The following STRN3 variants were observed in gnomAD, a reference collection of about 807,000 sequenced individuals.
The protein encoded by STRN3 is striatin-3.
In STRN3, 29 loss-of-function variants were observed where a neutral mutation model predicts 95.6. The observed-to-expected ratio is 0.30, with a 90% confidence interval of 0.23 to 0.41. The LOEUF (loss-of-function observed/expected upper bound fraction) is 0.41. STRN3 is among the 10% of genes least tolerant of loss of function. The pLI is 1.00. For missense variants in STRN3, 890 were observed against 972.1 expected, an observed-to-expected ratio of 0.92 and a Z score of 1.12; for synonymous variants, 331 against 357.6, an observed-to-expected ratio of 0.93 and a Z score of 0.84.
At chr14:30,984,137 A>ACCCCCCCCCCC (rs1555324188) in intron 1 of STRN3, among the ~76,000 whole-genome samples, 60 of 56,090 alleles carry the variant, frequency 1.1e-3, no homozygotes, top group Non-Finnish European at 1.4e-3. Context: ...GCCCCCCCCA[A>ACCCCCCCCCCC]CCCCCCCCCA....
Position 31,025,969 on chromosome 14 carries a change from G to C in STRN3, c.217C>G (p.Gln73Glu). ...YTIPGILHYIQHEWARFEMER... is the reference protein window; with the variant it reads ...YTIPGILHYIEHEWARFEMER... Reference sequence around the variant, plus strand: ...ATCTCGAACCGAGCCCACTCGTGCTGGATGTAGTGCAGTATCCCCGGGATA... The same window carrying C: ...ATCTCGAACCGAGCCCACTCGTGCTCGATGTAGTGCAGTATCCCCGGGATA... The change falls in exon 1 of 18, where the codon CAG (glutamine) becomes GAG (glutamate). Residue 73 changes from glutamine (Q) to glutamate (E), a missense_variant. Gln to Glu is a conservative substitution (Grantham distance 29, BLOSUM62 2). This residue lies in a region of STRN3 where 526 missense variants were observed against 526.3 expected (regional missense o/e 1.00). Transcript: ENST00000357479. 6.3e-7 allele frequency: 1 copy of C among 1,585,610 alleles called. No individual in the cohort carries two copies. Among genetic ancestry groups the C allele is most frequent in the Non-Finnish European group, 8.6e-7 (1 of 1,166,788 alleles).
intron 1 of STRN3, among the ~76,000 whole-genome samples, chr14:30,997,560 C>G (rs1480426314): frequency 6.6e-6 from 1 of 152,192 alleles, no homozygotes; most frequent in Non-Finnish European, 1.5e-5. Context: ...TAAACCTTCC[C>G]CTCCTTCCTG....
chr14:30,921,065 T>C (rs1271328708), intron 8 of STRN3, among the ~76,000 whole-genome samples: 5 of 89,246 alleles, frequency 5.6e-5, no homozygotes, highest in African/African-American at 1.1e-4. Context: ...TTTCTACACA[T>C]ACATATACAC....
At chr14:30,904,674 G>A (rs1896412808) in intron 15 of STRN3, among the ~76,000 whole-genome samples, 2 of 151,952 alleles carry the variant, frequency 1.3e-5, no homozygotes, top group Admixed American at 6.6e-5. Context: ...AATGAACCCA[G>A]GAAATAATCC....
intron 9 of STRN3, among the ~76,000 whole-genome samples, chr14:30,916,063 C>A (rs1316375819): frequency 2.0e-5 from 3 of 152,180 alleles, no homozygotes. Flanking sequence ...CATATATGTG[C>A]AAAAATTCTT....
Position 30,894,899 on chromosome 14 carries a change from T to TC in STRN3, c.*511_*512insG. ...TAAGTTAAATTTTCTTTTTCTTTTTTTTTTTTTTTAAAGCAAAATAAGTTT... is the reference window on the plus strand; with the variant it reads ...TAAGTTAAATTTTCTTTTTCTTTTTTCTTTTTTTTTAAAGCAAAATAAGTTT... On this transcript the variant is annotated 3_prime_UTR_variant, in exon 18 of 18. Transcript: ENST00000357479. 9.5e-7 allele frequency: 1 copy of TC among 1,053,308 alleles called. No individual in the cohort carries two copies. The highest frequency in any genetic ancestry group is 1.2e-6 in the Non-Finnish European group (1 of 815,660). The allele number at this position is 1,053,308 out of a possible 1,614,324, so 65.2% of individuals were successfully genotyped here. A position where few individuals can be genotyped will look rare whatever the true frequency, so the allele number is the denominator to read the frequency against.
chr14:30,996,392 G>C (rs891097384), intron 1 of STRN3, among the ~76,000 whole-genome samples: 5 of 152,178 alleles, frequency 3.3e-5, no homozygotes, highest in African/African-American at 1.2e-4. Context: ...GAATGTAGTA[G>C]CTGGCAAACC....
At chr14:30,929,336 A>T in intron 7 of STRN3, 25 bp from the exon 8 acceptor site, 1 of 1,590,512 alleles carries the variant, frequency 6.3e-7, no homozygotes, top group Non-Finnish European at 8.6e-7. Flanking sequence ...TTATTAAAAG[A>T]AAAAAAATCA....
At chr14:31,019,886 C>CTTTT (rs67956918) in intron 1 of STRN3, among the ~76,000 whole-genome samples, 5 of 143,048 alleles carry the variant, frequency 3.5e-5, no homozygotes, top group Admixed American at 7.0e-5. Context: ...CACTCATTTT[C>CTTTT]TTTTTTTTTT....
chr14:30,939,095 G>A (rs1232288372), intron 5 of STRN3, among the ~76,000 whole-genome samples: 2 of 152,198 alleles, frequency 1.3e-5, no homozygotes, highest in Non-Finnish European at 2.9e-5. Flanking sequence ...TGGCAAGGAG[G>A]TAATCAGGTA....
chr14:30,919,617 A>G (rs1896830996), intron 8 of STRN3, among the ~76,000 whole-genome samples: 1 of 152,102 alleles, frequency 6.6e-6, no homozygotes, highest in Admixed American at 6.5e-5. Flanking sequence ...TTCCATGGAT[A>G]TTTTCCTGCC....
intron 14 of STRN3, 127 bp from the exon 15 acceptor site, chr14:30,905,685 G>T: frequency 1.0e-6 from 1 of 962,582 alleles, no homozygotes; most frequent in Non-Finnish European, 1.5e-6. Context: ...TGTTAATAAT[G>T]AAAAGGAACA....
chr14:30,926,702 T>A (rs1205269422), intron 8 of STRN3, among the ~76,000 whole-genome samples: 1 of 152,088 alleles, frequency 6.6e-6, no homozygotes. Flanking sequence ...TAAGCAAAAT[T>A]CATTTTTTTG....
At chr14:30,904,778 A>T (rs1461551640) in intron 15 of STRN3, among the ~76,000 whole-genome samples, 1 of 152,136 alleles carries the variant, frequency 6.6e-6, no homozygotes, top group African/African-American at 2.4e-5. Flanking sequence ...TGCCAAGAAC[A>T]TTTAAAAATT....
At chr14:30,939,311 T>C (rs1008889395) in intron 5 of STRN3, among the ~76,000 whole-genome samples, 1 of 152,066 alleles carries the variant, frequency 6.6e-6, no homozygotes, top group African/African-American at 2.4e-5. Context: ...TAGAAACAGA[T>C]CAGTGGAGAA....
At chr14:30,939,065 T>C (rs1488353680) in intron 5 of STRN3, among the ~76,000 whole-genome samples, 1 of 152,174 alleles carries the variant, frequency 6.6e-6, no homozygotes, top group Non-Finnish European at 1.5e-5. Flanking sequence ...TGAATTTCCT[T>C]TGCCCAAGTC....
chr14:30,943,949 T>C (rs951847562), intron 5 of STRN3, among the ~76,000 whole-genome samples: 6 of 151,698 alleles, frequency 4.0e-5, no homozygotes, highest in Non-Finnish European at 5.9e-5. Flanking sequence ...TTCCAGAGAG[T>C]TGGAACTTTG....
chr14:30,902,310 AACATG>A (rs1392517304), intron 16 of STRN3, among the ~76,000 whole-genome samples: 4 of 152,130 alleles, frequency 2.6e-5, no homozygotes, highest in Non-Finnish European at 4.4e-5. Context: ...ACATTTAACT[AACATG>A]ACTTGAAGAA....
At chr14:30,935,036 C>T in intron 7 of STRN3, 127 bp downstream of exon 7, 1 of 1,248,092 alleles carries the variant, frequency 8.0e-7, no homozygotes, top group Non-Finnish European at 1.1e-6. Context: ...TATTCAAAAC[C>T]ACTTCCCCTT....
Sources: allele counts gnomAD v4.1 joint callset (sites outside exome capture counted in the v4.1 genomes callset), GRCh38; gene constraint gnomAD v4.1.1; regional missense constraint gnomAD v4.1.1; transcripts MANE v1.5; gene names NCBI Gene and HGNC (gene_info 2026-07-23, HGNC 2026-07-21).